ANKRD22: variants seen among roughly 807,000 people sequenced by gnomAD.
ANKRD22 encodes the protein ankyrin repeat domain-containing protein 22.
ANKRD22 carries 24 observed loss-of-function variants against 25.7 expected under a neutral mutation model. The ratio of observed to expected loss-of-function variants is 0.93; its 90% CI spans 0.68 to 1.31. The LOEUF (loss-of-function observed/expected upper bound fraction) is 1.31, where lower values mean the gene tolerates loss of function less well. ANKRD22 is among the 50% of genes most tolerant of loss of function. ANKRD22 has a pLI of 0.00. For missense variants in ANKRD22, 214 were observed against 227.1 expected (o/e 0.94, Z 0.37); for synonymous variants, 84 against 84.3 (o/e 1.00, Z 0.02).
Position 88,823,359 on chromosome 10 carries a change from T to C in ANKRD22, c.419A>G (p.His140Arg), listed in dbSNP as rs756195255. The change falls in exon 5 of 6, where the codon CAT (histidine) becomes CGT (arginine). Residue 140 changes from histidine (H) to arginine (R), a missense_variant. Physicochemically the swap from His to Arg is conservative, Grantham distance 29. Coordinates refer to ENST00000371930, the MANE Select transcript of ANKRD22 (RefSeq NM_144590.3). ...ATDCYGCTAL[H>R]YACEMKNQSL... ...CTGGTTTTTCATTTCACAGGCATAA[T>C]GTAATGCGGTACAGCCATACTGAAA... 1.9e-6 allele frequency: 3 copies of C among 1,614,056 alleles called. No homozygotes were observed. Among genetic ancestry groups the C allele is most frequent in the Non-Finnish European group, 2.5e-6 (3 of 1,179,922 alleles).
rs1327782624 is a variant in ANKRD22 at position 88,851,358 on chromosome 10, T to C, written c.21+229A>G. Reference sequence around the variant, plus strand: ...TACTATGAAATGTGTATTATATTCATCTCAACTTAGATCTAGCTAATATTT... The same window carrying C: ...TACTATGAAATGTGTATTATATTCACCTCAACTTAGATCTAGCTAATATTT... On this transcript the variant is annotated intron_variant, in intron 1 of 5. Coordinates refer to ENST00000371930, the MANE Select transcript of ANKRD22 (RefSeq NM_144590.3). Among the ~76,000 whole-genome samples the C allele has an allele frequency of 2.0e-5, 3 of 152,188 alleles. No homozygotes were observed. In the East Asian group the frequency reaches 5.8e-4, roughly 29 times the overall value.
chr10:88,821,514 A>C lies in ANKRD22; in HGVS notation c.*1427T>G, dbSNP rs1265048743. 6.6e-6 allele frequency among the ~76,000 whole-genome samples: 1 copy of C among 152,208 alleles called. No individual in the cohort carries two copies. Among genetic ancestry groups the C allele is most frequent in the African/African-American group, 2.4e-5 (1 of 41,444 alleles). On this transcript the variant is annotated 3_prime_UTR_variant, in exon 6 of 6. Transcript: ENST00000371930. ...TGTTGAAGGTATACTGGTGTGTGAA[A>C]TTCACTTGTGTGGGTTTTTTGTCCC...
chr10:88,842,302 T>A (rs1844009864), intron 1 of ANKRD22, among the ~76,000 whole-genome samples: 1 of 152,088 alleles, frequency 6.6e-6, no homozygotes, highest in South Asian at 2.1e-4. Flanking sequence ...TATCCCTCTT[T>A]ACAGATGAGA....
chr10:88,836,742 A>T (rs1843957643), intron 1 of ANKRD22, among the ~76,000 whole-genome samples: 2 of 152,356 alleles, frequency 1.3e-5, no homozygotes, highest in East Asian at 3.9e-4. Context: ...TTATACATCC[A>T]GACTCCTTCT....
chr10:88,836,004 A>G (rs1182091055), intron 1 of ANKRD22, among the ~76,000 whole-genome samples: 2 of 152,152 alleles, frequency 1.3e-5, no homozygotes, highest in Non-Finnish European at 2.9e-5. Flanking sequence ...CACTTGGGAA[A>G]TTATTATAAT....
intron 1 of ANKRD22, among the ~76,000 whole-genome samples, chr10:88,843,823 C>T (rs1844024767): frequency 6.6e-6 from 1 of 152,080 alleles, no homozygotes; most frequent in Non-Finnish European, 1.5e-5. Flanking sequence ...TCTTGTAACT[C>T]TCACATAACC....
chr10:88,851,527 C>T, intron 1 of ANKRD22, 60 bp downstream of exon 1: 1 of 1,587,928 alleles, frequency 6.3e-7, no homozygotes, highest in East Asian at 2.2e-5. Context: ...AAAATTGCAT[C>T]TGAAAAGCAT....
chr10:88,824,365 T>G (rs1377211157), intron 4 of ANKRD22, among the ~76,000 whole-genome samples: 1 of 152,232 alleles, frequency 6.6e-6, no homozygotes, highest in Non-Finnish European at 1.5e-5. Context: ...AAGACAGGTT[T>G]AGCTCTGGAT....
chr10:88,834,369 A>G (rs1042575161), intron 1 of ANKRD22, among the ~76,000 whole-genome samples: 1 of 152,204 alleles, frequency 6.6e-6, no homozygotes, highest in Non-Finnish European at 1.5e-5. Context: ...AGTTCTTTAT[A>G]TTGGGTAGAT....
At chr10:88,840,713 A>G (rs563104160) in intron 1 of ANKRD22, among the ~76,000 whole-genome samples, 2 of 152,198 alleles carry the variant, frequency 1.3e-5, no homozygotes, top group Non-Finnish European at 2.9e-5. Context: ...TCAGAAAAGG[A>G]AGGAAGATGT....
In ANKRD22 at chr10:88,823,378, A is replaced by T. The variant is rs757523305; in HGVS notation, c.400T>A (p.Tyr134Asn). The change falls in exon 5 of 6, where the codon TAT becomes AAT. Residue 134 changes from tyrosine (Y) to asparagine (N), a missense_variant and splice_region_variant. By Grantham distance (143) the Tyr-to-Asn change is moderately radical. Transcript: ENST00000371930. ...GCATAATGTAATGCGGTACAGCCAT[A>T]CTGAAACACAAAGGGCCAAAACTTC... Reference protein sequence around the residue: ...AGVEVNATDCYGCTALHYACE... With the variant: ...AGVEVNATDCNGCTALHYACE... 6.2e-7 allele frequency: 1 copy of T among 1,613,196 alleles called. No homozygotes were observed. Among genetic ancestry groups the T allele is most frequent in the Non-Finnish European group, 8.5e-7 (1 of 1,179,170 alleles).
At chr10:88,834,288 T>A (rs1440110630) in intron 1 of ANKRD22, among the ~76,000 whole-genome samples, 1 of 152,236 alleles carries the variant, frequency 6.6e-6, no homozygotes, top group East Asian at 1.9e-4. Context: ...AAAAGATATT[T>A]TAACAAATAC....
chr10:88,830,111 A>G (rs1843890570), intron 2 of ANKRD22, among the ~76,000 whole-genome samples: 2 of 152,130 alleles, frequency 1.3e-5, no homozygotes, highest in Non-Finnish European at 2.9e-5. Flanking sequence ...TAAACTTTTC[A>G]TTTTTATAAA....
chr10:88,848,289 G>A (rs1462698896), intron 1 of ANKRD22, among the ~76,000 whole-genome samples: 1 of 151,254 alleles, frequency 6.6e-6, no homozygotes, highest in African/African-American at 2.4e-5. Flanking sequence ...TAAACAAATG[G>A]ATGGGTGAAT....
intron 3 of ANKRD22, among the ~76,000 whole-genome samples, chr10:88,827,246 T>G (rs1339004476): frequency 6.6e-6 from 1 of 152,168 alleles, no homozygotes; most frequent in Non-Finnish European, 1.5e-5. Context: ...TCCTCTCTCC[T>G]CCCCTATCAT....
In ANKRD22 at chr10:88,823,036, T is replaced by A. The variant is rs781152213; in HGVS notation, c.499-18A>T. ...TCACCATGCTGAGGGGGGAAAAATA[T>A]ACAGTTATTTCCAATAGAGTGCCCA... On this transcript the variant is annotated intron_variant, in intron 5 of 5. Coordinates refer to ENST00000371930, the MANE Select transcript of ANKRD22 (RefSeq NM_144590.3). 1.9e-6 allele frequency: 3 copies of A among 1,606,434 alleles called. No individual in the cohort carries two copies. The highest frequency in any genetic ancestry group is 2.6e-6 in the Non-Finnish European group (3 of 1,173,328).
chr10:88,842,646 C>T (rs186108196), intron 1 of ANKRD22, among the ~76,000 whole-genome samples: 26 of 152,182 alleles, frequency 1.7e-4, no homozygotes, highest in African/African-American at 4.3e-4. Context: ...TCATGTTATA[C>T]GACAAACCTT....
intron 1 of ANKRD22, among the ~76,000 whole-genome samples, chr10:88,835,047 C>T (rs1461173884): frequency 1.3e-5 from 2 of 152,084 alleles, no homozygotes; most frequent in Admixed American, 1.3e-4. Context: ...CTCCACAGTC[C>T]CCACCACTCG....
chr10:88,836,142 C>T (rs1000274364), intron 1 of ANKRD22, among the ~76,000 whole-genome samples: 2 of 152,136 alleles, frequency 1.3e-5, no homozygotes, highest in African/African-American at 4.8e-5. Flanking sequence ...TTCCATATGC[C>T]GTTTTTACAA....
Sources: gnomAD v4.1 joint callset for allele counts (sites outside exome capture counted in the v4.1 genomes callset) on GRCh38, gnomAD v4.1.1 for gene constraint, MANE v1.5 for transcripts, NCBI Gene and HGNC (gene_info 2026-07-23, HGNC 2026-07-21) for gene names.